The following NHSL1 variants were observed in gnomAD, a reference collection of about 807,000 sequenced individuals.
NHSL1 encodes the protein NHS like 1, also known as NHS-like protein 1.
A neutral mutation model predicts 95.0 loss-of-function variants in NHSL1; 48 were observed. The observed-to-expected ratio is 0.51, with a 90% CI of 0.40 to 0.64. The LOEUF (loss-of-function observed/expected upper bound fraction) is 0.64, where lower values mean the gene tolerates loss of function less well. Ranked by LOEUF, NHSL1 falls within the 30% of genes least tolerant of loss-of-function variation. NHSL1 has a pLI of 0.00. For synonymous variants in NHSL1, 783 were observed against 833.9 expected, an observed-to-expected ratio of 0.94 and a Z score of 1.05; for missense variants, 1,971 against 2,077.7, an observed-to-expected ratio of 0.95 and a Z score of 1.00.
At chr6:138,591,009 C>A (rs984249436) in intron 1 of NHSL1, among the ~76,000 whole-genome samples, 2 of 152,100 alleles carry the variant, frequency 1.3e-5, no homozygotes, top group African/African-American at 4.8e-5. Flanking sequence ...TGTGTATTGA[C>A]CATTGATCTC....
At chr6:138,595,551 T>C (rs1784292331) in intron 1 of NHSL1, among the ~76,000 whole-genome samples, 1 of 152,218 alleles carries the variant, frequency 6.6e-6, no homozygotes, top group Non-Finnish European at 1.5e-5. Context: ...TGCTCTAGCC[T>C]AGGCAACAGA....
intron 1 of NHSL1, among the ~76,000 whole-genome samples, chr6:138,530,761 G>T (rs1455948878): frequency 6.6e-6 from 1 of 152,134 alleles, no homozygotes; most frequent in Non-Finnish European, 1.5e-5. Context: ...ATAGCTATGA[G>T]GATGCAAAGG....
intron 1 of NHSL1, among the ~76,000 whole-genome samples, chr6:138,522,639 C>T (rs1368371912): frequency 6.6e-6 from 1 of 152,040 alleles, no homozygotes; most frequent in Admixed American, 6.6e-5. Flanking sequence ...GAAACTCCAT[C>T]TCAAATAAAA....
At chr6:138,464,835 C>T (rs1778253625) in intron 3 of NHSL1, among the ~76,000 whole-genome samples, 1 of 150,698 alleles carries the variant, frequency 6.6e-6, no homozygotes, top group South Asian at 2.1e-4. Flanking sequence ...GCCTCAGCCT[C>T]TCTAGTAGCT....
chr6:138,585,479 C>A (rs1784121241), intron 1 of NHSL1, among the ~76,000 whole-genome samples: 1 of 152,032 alleles, frequency 6.6e-6, no homozygotes, highest in Non-Finnish European at 1.5e-5. Context: ...GAAATTACTA[C>A]AAAAATAGCA....
chr6:138,461,639 G>C (rs770222796), intron 3 of NHSL1, among the ~76,000 whole-genome samples: 2 of 152,170 alleles, frequency 1.3e-5, no homozygotes, highest in African/African-American at 2.4e-5. Context: ...TTAAGTGTGC[G>C]CTGGGGATAA....
chr6:138,572,199 A>G (rs71560677), exon 1 of NHSL1: 2 of 318,534 alleles, frequency 6.3e-6, no homozygotes, highest in Non-Finnish European at 1.1e-5. Context: ...AAATAAAAGT[A>G]TAATTTAAAA....
intron 2 of NHSL1, among the ~76,000 whole-genome samples, chr6:138,485,342 A>G (rs1779658755): frequency 6.6e-6 from 1 of 152,122 alleles, no homozygotes; most frequent in East Asian, 1.9e-4. Context: ...ACACAAAAAC[A>G]AAACAAAAAG....
chr6:138,499,554 T>A (rs1780563351), upstream of NHSL1: 1 of 557,866 alleles, frequency 1.8e-6, no homozygotes, highest in Non-Finnish European at 2.6e-6. Context: ...CATCGTGCGC[T>A]GAAAGAAAGA....
intron 1 of NHSL1, among the ~76,000 whole-genome samples, chr6:138,510,704 C>A (rs1781179774): frequency 6.6e-6 from 1 of 152,188 alleles, no homozygotes; most frequent in Admixed American, 6.5e-5. Context: ...TAAATAAAAA[C>A]CTTCCTATAA....
intron 1 of NHSL1, among the ~76,000 whole-genome samples, chr6:138,580,748 C>A (rs1784041255): frequency 1.3e-5 from 2 of 152,310 alleles, no homozygotes; most frequent in South Asian, 4.1e-4. Context: ...ATTACCAATT[C>A]TTTAAGTATT....
chr6:138,491,755 T>C (rs1158346916), intron 2 of NHSL1, among the ~76,000 whole-genome samples: 1 of 152,224 alleles, frequency 6.6e-6, no homozygotes. Context: ...GTATCTCTTA[T>C]CCGAAATGCT....
At position 138,673,056 on chromosome 6, in the gene NHSL1, T is replaced by C. The variant is rs563311955; in HGVS notation, c.96+19420A>G. Among the ~76,000 whole-genome samples the C allele has an allele frequency of 4.9e-4, 73 of 150,006 alleles. 2 individuals carry two copies. In the South Asian group the frequency reaches 0.015, roughly 30 times the overall value. On this transcript the variant is annotated intron_variant, in intron 1 of 3. Coordinates refer to the NHSL1 transcript ENST00000491526. ...GTAGATAGATAGATAGATAGATAGATAGATAGATAATGTTTCTAGATTATT... is the reference window on the plus strand; with the variant it reads ...GTAGATAGATAGATAGATAGATAGACAGATAGATAATGTTTCTAGATTATT...
intron 1 of NHSL1, among the ~76,000 whole-genome samples, chr6:138,611,858 C>T (rs1721592738): frequency 6.6e-6 from 1 of 151,916 alleles, no homozygotes; most frequent in South Asian, 2.1e-4. Context: ...GCCTGTAATC[C>T]CAGCACTTTG....
At chr6:138,550,350 C>T (rs1334512201), upstream of NHSL1, among the ~76,000 whole-genome samples, 4 of 152,160 alleles carry the variant, frequency 2.6e-5, no homozygotes, top group Admixed American at 2.0e-4. Flanking sequence ...TAAGAACTAT[C>T]CATTGAAATT....
chr6:138,440,272 G>T (rs1425845581), intron 5 of NHSL1, among the ~76,000 whole-genome samples: 1 of 152,146 alleles, frequency 6.6e-6, no homozygotes, highest in Non-Finnish European at 1.5e-5. Flanking sequence ...GAATTAGTTA[G>T]CTGTCACTTC....
chr6:138,559,661 GA>G (rs1342964435), intron 1 of NHSL1, among the ~76,000 whole-genome samples: 2 of 151,534 alleles, frequency 1.3e-5, no homozygotes, highest in East Asian at 1.9e-4. Context: ...TACATATTGA[GA>G]AAAAAAAGCT....
rs182909351 is a variant in NHSL1, at chr6:138,442,927, T to G, written c.533-813A>C. The stretch of plus-strand genomic sequence containing the variant: ...TAAAGTATATAACAACATCTGTTAT[T>G]GATTGATCTGTTTTAAATTACCTGC... On this transcript the variant is annotated intron_variant, in intron 4 of 7. Transcript: ENST00000343505. 5.0e-4 allele frequency among the ~76,000 whole-genome samples: 76 copies of G among 152,286 alleles called. 1 individual carries two copies. Among genetic ancestry groups the G allele is most frequent in the Admixed American group, 8.5e-4 (13 of 15,290 alleles).
intron 3 of NHSL1, among the ~76,000 whole-genome samples, chr6:138,468,463 T>G (rs1013391215): frequency 2.0e-5 from 3 of 152,212 alleles, no homozygotes; most frequent in Middle Eastern, 6.3e-3. Flanking sequence ...CAAGCATTAC[T>G]GCCTGAGCTC....
Sources: allele counts gnomAD v4.1 joint callset (sites outside exome capture counted in the v4.1 genomes callset), GRCh38; gene constraint gnomAD v4.1.1; transcripts MANE v1.5; gene names NCBI Gene and HGNC (gene_info 2026-07-23, HGNC 2026-07-21).